The following SMAD9 variants were observed in gnomAD, a reference collection of about 807,000 sequenced individuals.
SMAD9 encodes SMAD family member 9.
In SMAD9, 36 loss-of-function variants were observed where a neutral mutation model predicts 46.1. The ratio of observed to expected loss-of-function variants is 0.78; its 90% CI spans 0.60 to 1.03. The LOEUF (loss-of-function observed/expected upper bound fraction) is 1.03. Ranked by LOEUF, SMAD9 falls within the 50% of genes least tolerant of loss-of-function variation. The probability of loss-of-function intolerance (pLI) is 0.00; values close to 1 mark genes in which losing one functional copy is unlikely to be tolerated. For missense variants in SMAD9, 572 were observed against 599.8 expected, an observed-to-expected ratio of 0.95 and a Z score of 0.48; for synonymous variants, 245 against 237.1, an observed-to-expected ratio of 1.03 and a Z score of -0.31.
chr13:36,916,415 G>A (rs1437412922), intron 1 of SMAD9, among the ~76,000 whole-genome samples: 1 of 152,192 alleles, frequency 6.6e-6, no homozygotes, highest in Non-Finnish European at 1.5e-5. Context: ...GGAGAAGGAG[G>A]CTCTCAACTG....
intron 2 of SMAD9, 107 bp downstream of exon 2, chr13:36,879,171 T>C: frequency 9.6e-7 from 1 of 1,037,892 alleles, no homozygotes; most frequent in Non-Finnish European, 1.5e-6. Flanking sequence ...CTTCTCTCTC[T>C]CTCTTTTGGG....
In SMAD9 at chr13:36,854,377, T is replaced by A. The variant is rs567273208; in HGVS notation, c.1004-702A>T. Reference sequence around the variant, plus strand: ...ATTGTACATACACAAATTTTATTTTTTTTTTTTTGAGACGGAGTCTCGCTC... The same window carrying A: ...ATTGTACATACACAAATTTTATTTTATTTTTTTTGAGACGGAGTCTCGCTC... On this transcript the variant is annotated intron_variant, in intron 5 of 6. Coordinates refer to ENST00000379826, the MANE Select transcript of SMAD9 (RefSeq NM_001127217.3). 2.9e-3 allele frequency among the ~76,000 whole-genome samples: 442 copies of A among 152,206 alleles called. 2 individuals carry two copies. Among genetic ancestry groups the A allele is most frequent in the Middle Eastern group, 6.8e-3 (2 of 294 alleles).
chr13:36,917,069 C>T lies in SMAD9; in HGVS notation c.-187+3047G>A, dbSNP rs530132246. Among the ~76,000 whole-genome samples the T allele has an allele frequency of 7.2e-5, 11 of 152,196 alleles. No homozygotes were observed. In the South Asian group the frequency reaches 2.3e-3, roughly 32 times the overall value. On this transcript the variant is annotated intron_variant, in intron 1 of 6. Transcript: ENST00000379826. ...CACCAAAGGAGAGCAGAATACAAGTCAGGCAAGTGCGGCCGAGGTGTCCGT... is the reference window on the plus strand; with the variant it reads ...CACCAAAGGAGAGCAGAATACAAGTTAGGCAAGTGCGGCCGAGGTGTCCGT...
intron 5 of SMAD9, among the ~76,000 whole-genome samples, chr13:36,860,082 C>T (rs999787973): frequency 6.6e-6 from 1 of 152,192 alleles, no homozygotes; most frequent in Non-Finnish European, 1.5e-5. Context: ...AATAAACTTG[C>T]CCTCACTTTA....
At chr13:36,901,816 T>C (rs1185791094) in intron 1 of SMAD9, among the ~76,000 whole-genome samples, 1 of 152,250 alleles carries the variant, frequency 6.6e-6, no homozygotes, top group Non-Finnish European at 1.5e-5. Context: ...GAAAAATATC[T>C]ATTCAAGTCC....
At chr13:36,869,715 G>A (rs2058271438) in intron 3 of SMAD9, among the ~76,000 whole-genome samples, 1 of 152,066 alleles carries the variant, frequency 6.6e-6, no homozygotes. Context: ...TGTAATCCGA[G>A]GTACTTGGAA....
intron 1 of SMAD9, among the ~76,000 whole-genome samples, chr13:36,884,603 T>C (rs1031166421): frequency 6.6e-6 from 1 of 152,174 alleles, no homozygotes; most frequent in African/African-American, 2.4e-5. Flanking sequence ...GTGTACATGA[T>C]TCCACACTAA....
At chr13:36,869,322 A>G (rs2058266463) in intron 3 of SMAD9, among the ~76,000 whole-genome samples, 1 of 152,020 alleles carries the variant, frequency 6.6e-6, no homozygotes, top group South Asian at 2.1e-4. Flanking sequence ...TCCTGGATTC[A>G]AGCGATTCTC....
At chr13:36,919,507 AC>A (rs2058724517) in intron 1 of SMAD9, among the ~76,000 whole-genome samples, 2 of 152,272 alleles carry the variant, frequency 1.3e-5, no homozygotes, top group South Asian at 4.1e-4. Flanking sequence ...CAAAAAGCCT[AC>A]GAAACAGAAG....
intron 6 of SMAD9, chr13:36,852,291 C>G (rs889636042): frequency 2.0e-6 from 2 of 984,390 alleles, no homozygotes; most frequent in Non-Finnish European, 1.2e-6. Context: ...ATGCCTGGAA[C>G]AAGCCATGCT....
chr13:36,858,570 C>T (rs919588701), intron 5 of SMAD9, among the ~76,000 whole-genome samples: 5 of 152,186 alleles, frequency 3.3e-5, no homozygotes, highest in Admixed American at 3.3e-4. Context: ...CATACTGTCA[C>T]TCAAACACGC....
chr13:36,854,527 C>G (rs1296986455), intron 5 of SMAD9, among the ~76,000 whole-genome samples: 1 of 152,186 alleles, frequency 6.6e-6, no homozygotes, highest in Non-Finnish European at 1.5e-5. Flanking sequence ...GCCAACACAG[C>G]TGGCTAATTT....
At chr13:36,873,361 T>C (rs2058315136) in intron 2 of SMAD9, among the ~76,000 whole-genome samples, 1 of 152,150 alleles carries the variant, frequency 6.6e-6, no homozygotes, top group Non-Finnish European at 1.5e-5. Context: ...TTTCTCTTGC[T>C]TGCAATGAAA....
chr13:36,852,403 T>G, intron 6 of SMAD9: 1 of 985,218 alleles, frequency 1.0e-6, no homozygotes, highest in Non-Finnish European at 1.2e-6. Context: ...GCGAGTACTT[T>G]GCAACAGACA....
At chr13:36,852,975 A>C (rs1052799501) in intron 6 of SMAD9, among the ~76,000 whole-genome samples, 2 of 152,256 alleles carry the variant, frequency 1.3e-5, no homozygotes, top group African/African-American at 4.8e-5. Context: ...CTCCTCCTAA[A>C]AACAATAGAA....
chr13:36,903,657 C>T (rs1012565044), intron 1 of SMAD9, among the ~76,000 whole-genome samples: 2 of 152,098 alleles, frequency 1.3e-5, no homozygotes, highest in African/African-American at 4.8e-5. Context: ...TCAAAAGTCT[C>T]CAAAACTTTT....
chr13:36,873,325 CT>C (rs1472254179), intron 2 of SMAD9, among the ~76,000 whole-genome samples: 2 of 152,096 alleles, frequency 1.3e-5, no homozygotes, highest in Admixed American at 6.6e-5. Flanking sequence ...CCAAATAAGT[CT>C]TTTTTTCCCC....
intron 1 of SMAD9, among the ~76,000 whole-genome samples, chr13:36,908,843 T>C (rs1395338544): frequency 6.6e-6 from 1 of 152,234 alleles, no homozygotes; most frequent in East Asian, 1.9e-4. Context: ...GGATTTTTTA[T>C]ATTCACACTG....
At chr13:36,863,518 G>A (rs933613284) in intron 5 of SMAD9, among the ~76,000 whole-genome samples, 1 of 152,022 alleles carries the variant, frequency 6.6e-6, no homozygotes, top group African/African-American at 2.4e-5. Flanking sequence ...GATATAATTG[G>A]GATATTTGAC....
Sources: allele counts gnomAD v4.1 joint callset (sites outside exome capture counted in the v4.1 genomes callset), GRCh38; gene constraint gnomAD v4.1.1; transcripts MANE v1.5; gene names NCBI Gene and HGNC (gene_info 2026-07-23, HGNC 2026-07-21).